DENND1B: variants seen among roughly 807,000 people sequenced by gnomAD.
DENND1B encodes DENN domain containing 1B.
Under a neutral mutation model 90.1 loss-of-function variants are expected in DENND1B, and 59 were observed. The ratio of observed to expected loss-of-function variants is 0.65; its 90% CI spans 0.53 to 0.81. The LOEUF is 0.81. DENND1B is among the 40% of genes least tolerant of loss of function. The pLI, the probability that DENND1B is intolerant of heterozygous loss-of-function variation, is 0.00. For synonymous variants in DENND1B, 337 were observed against 324.6 expected (o/e 1.04, Z -0.41); for missense variants, 862 against 912.6 (o/e 0.94, Z 0.71).
intron 2 of DENND1B, chr1:197,747,437 C>T: frequency 2.6e-6 from 1 of 380,872 alleles, no homozygotes. Flanking sequence ...CAGGAGGTAG[C>T]AGCCCACTCC....
At chr1:197,781,282 A>G in the DENND1B span, among the ~76,000 whole-genome samples, 1 of 152,198 alleles carries the variant, frequency 6.6e-6, no homozygotes, top group Non-Finnish European at 1.5e-5. Context: ...GCATCTCATG[A>G]GTTGTAGCTA....
chr1:197,637,855 T>C (rs774059342), intron 10 of DENND1B, among the ~76,000 whole-genome samples: 49 of 152,296 alleles, frequency 3.2e-4, no homozygotes, highest in Non-Finnish European at 8.8e-5. Context: ...AAATACACTT[T>C]AATAACCTTA....
intron 3 of DENND1B, among the ~76,000 whole-genome samples, chr1:197,688,400 A>G (rs1657483670): frequency 1.3e-5 from 2 of 152,180 alleles, no homozygotes; most frequent in Admixed American, 1.3e-4. Context: ...TGGAGGCTTC[A>G]TATTTCCTGA....
At chr1:197,554,100 TACACACACACACACACACACACACACAC>T (rs4026509) in intron 15 of DENND1B, among the ~76,000 whole-genome samples, 41 of 139,986 alleles carry the variant, frequency 2.9e-4, no homozygotes, top group Middle Eastern at 3.4e-3. Context: ...TCAATGATTA[TACACACACACACACACACACACACACAC>T]ACACACACAC....
rs1412402158 is a variant in DENND1B at position 197,541,041 on chromosome 1, G to A, written c.1351-26C>T. 3.7e-6 allele frequency: 6 copies of A among 1,606,008 alleles called. No individual in the cohort carries two copies. The African/African-American group carries it at 8.0e-5, about 22-fold the overall frequency. ...CTAGAAAATGATAATGAATGTGCCT[G>A]GCTCAGGATGGTTCCATTACCATTT... On this transcript the variant is annotated intron_variant, in intron 18 of 22. Transcript: ENST00000620048.
At chr1:197,513,048 C>T in intron 20 of DENND1B, 95 bp from the exon 21 acceptor site, 2 of 990,108 alleles carry the variant, frequency 2.0e-6, no homozygotes, top group Non-Finnish European at 2.9e-6. Context: ...ATAAGAAACA[C>T]TTTTGCAAGA....
chr1:197,698,190 GCAAAAGAACAGAAAT>G (rs1658643501), intron 3 of DENND1B, among the ~76,000 whole-genome samples: 1 of 152,010 alleles, frequency 6.6e-6, no homozygotes, highest in South Asian at 2.1e-4. Flanking sequence ...CTCAGCAAAT[GCAAAAGAACAGAAAT>G]CAAAACAGTC....
chr1:197,570,615 T>C (rs1355726541), intron 15 of DENND1B, among the ~76,000 whole-genome samples: 1 of 152,160 alleles, frequency 6.6e-6, no homozygotes, highest in Non-Finnish European at 1.5e-5. Context: ...TACCCTAATA[T>C]TATAATTTAT....
intron 2 of DENND1B, among the ~76,000 whole-genome samples, chr1:197,761,168 A>C (rs1278664494): frequency 6.6e-6 from 1 of 152,214 alleles, no homozygotes; most frequent in East Asian, 1.9e-4. Flanking sequence ...CAAGTCTTGA[A>C]GTAATAAGAA....
At chr1:197,756,201 C>T (rs991763920) in intron 2 of DENND1B, among the ~76,000 whole-genome samples, 4 of 152,202 alleles carry the variant, frequency 2.6e-5, no homozygotes, top group African/African-American at 9.7e-5. Context: ...AGAATTAATA[C>T]ATTCACCTGT....
At chr1:197,741,563 T>C (rs1017391854) in intron 2 of DENND1B, among the ~76,000 whole-genome samples, 12 of 152,160 alleles carry the variant, frequency 7.9e-5, no homozygotes, top group Non-Finnish European at 1.5e-4. Flanking sequence ...TTTAAAGTAA[T>C]TATAAAGTAA....
intron 20 of DENND1B, among the ~76,000 whole-genome samples, chr1:197,523,533 C>T (rs1347350405): frequency 6.6e-6 from 1 of 152,090 alleles, no homozygotes; most frequent in South Asian, 2.1e-4. Flanking sequence ...TTTGGAGGGG[C>T]AAAAACATTG....
upstream of DENND1B, among the ~76,000 whole-genome samples, chr1:197,778,325 T>G (rs1657348416): frequency 6.6e-6 from 1 of 152,230 alleles, no homozygotes; most frequent in Non-Finnish European, 1.5e-5. Flanking sequence ...TAATCTAGTC[T>G]GATCATCTTT....
chr1:197,511,911 A>C lies in DENND1B; in HGVS notation c.1632T>G (p.Ala544=). ...LSSEDGEEAS[A]YLYESDDSVE... ...CAGAGTCATCACTCTCATAGAGATA[A>C]GCAGAAGCTTCTTCACCATCTTCAG... The change falls in exon 22 of 23, where the codon GCT becomes GCG. Residue 544 remains alanine, a synonymous_variant. Transcript: ENST00000620048. The C allele has an allele frequency of 1.9e-6, 3 of 1,607,582 alleles. No homozygotes were observed. Among genetic ancestry groups the C allele is most frequent in the Non-Finnish European group, 2.6e-6 (3 of 1,176,390 alleles).
intron 2 of DENND1B, among the ~76,000 whole-genome samples, chr1:197,724,120 T>C (rs1479925412): frequency 1.3e-5 from 2 of 152,126 alleles, no homozygotes; most frequent in Non-Finnish European, 2.9e-5. Context: ...TACTCCTGGA[T>C]ATAACAGACA....
intron 10 of DENND1B, among the ~76,000 whole-genome samples, chr1:197,623,392 T>C (rs1228336525): frequency 1.3e-5 from 2 of 151,440 alleles, no homozygotes; most frequent in African/African-American, 4.8e-5. Flanking sequence ...ATTTAATTTA[T>C]ATTCACATTT....
At chr1:197,736,344 GTCTC>G (rs1373931873) in intron 2 of DENND1B, among the ~76,000 whole-genome samples, 1 of 151,928 alleles carries the variant, frequency 6.6e-6, no homozygotes, top group Non-Finnish European at 1.5e-5. Flanking sequence ...CTGTCTGTCT[GTCTC>G]TCTATCTATC....
Position 197,681,104 on chromosome 1 carries a change from G to A in DENND1B, c.127-6935C>T, listed in dbSNP as rs1348363543. Among the ~76,000 whole-genome samples, 8 of 152,152 alleles carry A rather than the reference G, an allele frequency of 5.3e-5. No individual in the cohort carries two copies. The East Asian group carries it at 1.5e-3, about 29-fold the overall frequency. On this transcript the variant is annotated intron_variant, in intron 3 of 22. Coordinates refer to ENST00000620048, the MANE Select transcript of DENND1B (RefSeq NM_001195215.2). ...ATTAAAGGTCCTGTGTCCAATGCCTGTTGCCAAAACTTTAACATACTGAGA... is the reference window on the plus strand; with the variant it reads ...ATTAAAGGTCCTGTGTCCAATGCCTATTGCCAAAACTTTAACATACTGAGA...
At chr1:197,700,955 G>A (rs1658963225) in intron 3 of DENND1B, among the ~76,000 whole-genome samples, 1 of 152,176 alleles carries the variant, frequency 6.6e-6, no homozygotes, top group Non-Finnish European at 1.5e-5. Flanking sequence ...CGAGGCTGTG[G>A]AGAAACAGGA....
Sources: allele counts gnomAD v4.1 joint callset (sites outside exome capture counted in the v4.1 genomes callset), GRCh38; gene constraint gnomAD v4.1.1; transcripts MANE v1.5; gene names NCBI Gene and HGNC (gene_info 2026-07-23, HGNC 2026-07-21).